Variants in SOX13 observed in about 807,000 individuals in gnomAD.
SOX13 encodes the protein transcription factor SOX-13.
Under a neutral mutation model 71.8 loss-of-function variants are expected in SOX13, and 28 were observed. The ratio of observed to expected loss-of-function variants is 0.39; its 90% CI spans 0.29 to 0.53. SOX13 has a LOEUF of 0.53. Among genes scored for constraint, SOX13 ranks in the 20% least tolerant of loss-of-function variants. The pLI, the probability that SOX13 is intolerant of heterozygous loss-of-function variation, is 0.70. For missense variants in SOX13, 627 were observed against 810.3 expected, an observed-to-expected ratio of 0.77 and a Z score of 2.75; for synonymous variants, 309 against 317.8, an observed-to-expected ratio of 0.97 and a Z score of 0.29.
At chr1:204,084,474 C>T (rs1655975555) in intron 1 of SOX13, among the ~76,000 whole-genome samples, 1 of 152,182 alleles carries the variant, frequency 6.6e-6, no homozygotes, top group South Asian at 2.1e-4. Context: ...TGGCCAGCAG[C>T]CTCCAGGGCT....
chr1:204,092,042 T>C (rs917069038), intron 1 of SOX13, among the ~76,000 whole-genome samples: 8 of 152,052 alleles, frequency 5.3e-5, no homozygotes, highest in East Asian at 3.9e-4. Context: ...TCACTTTTTT[T>C]CTCTCTTCTT....
In SOX13 at chr1:204,113,280, G is replaced by A. The variant is rs548522214; in HGVS notation, c.219+146G>A. ...GGGTAAGACGCCATGTAGGGAAGCA[G>A]GGAGGCACTGCCAAGTTCAGTCTGA... On this transcript the variant is annotated intron_variant, in intron 2 of 13. Coordinates refer to ENST00000367204, the MANE Select transcript of SOX13 (RefSeq NM_005686.3). 122 of 706,452 alleles carry A rather than the reference G, an allele frequency of 1.7e-4. No individual in the cohort carries two copies. In the African/African-American group the frequency reaches 1.8e-3, roughly 11 times the overall value. The allele number at this position is 706,452 out of a possible 1,614,324, so 43.8% of individuals were successfully genotyped here.
intron 8 of SOX13, 109 bp downstream of exon 8, chr1:204,122,094 TC>T: frequency 9.6e-7 from 1 of 1,046,148 alleles, no homozygotes. Context: ...CATCCTGTGT[TC>T]TTGTTCACCC....
intron 1 of SOX13, among the ~76,000 whole-genome samples, chr1:204,106,115 C>T (rs139275079): frequency 9.3e-4 from 141 of 152,274 alleles, no homozygotes; most frequent in Middle Eastern, 3.4e-3. Flanking sequence ...TAAAGGGAGA[C>T]TTAAGGGAGG....
At chr1:204,121,026 T>G (rs1324761840) in intron 7 of SOX13, among the ~76,000 whole-genome samples, 1 of 151,028 alleles carries the variant, frequency 6.6e-6, no homozygotes, top group Non-Finnish European at 1.5e-5. Context: ...GTCCCCCAGG[T>G]TGGAGTGCAG....
intron 1 of SOX13, among the ~76,000 whole-genome samples, chr1:204,092,275 C>T (rs755955587): frequency 7.2e-5 from 11 of 152,100 alleles, no homozygotes; most frequent in Admixed American, 4.6e-4. Context: ...TCCTGAAGCA[C>T]GCTGGATTAT....
chr1:204,080,673 C>T (rs1655883891), intron 1 of SOX13, among the ~76,000 whole-genome samples: 1 of 152,174 alleles, frequency 6.6e-6, no homozygotes, highest in African/African-American at 2.4e-5. Flanking sequence ...GGTGAGGAAC[C>T]TGGAGGCAGG....
intron 1 of SOX13, among the ~76,000 whole-genome samples, chr1:204,092,616 G>A (rs7528560): frequency 0.1 from 15,486 of 152,232 alleles, 870 homozygotes; most frequent in Non-Finnish European, 0.13. Flanking sequence ...AGTATAGAAG[G>A]CTTTGGTAAG....
At chr1:204,112,600 G>T (rs1313679205) in intron 1 of SOX13, among the ~76,000 whole-genome samples, 1 of 152,030 alleles carries the variant, frequency 6.6e-6, no homozygotes, top group Admixed American at 6.5e-5. Flanking sequence ...GGCCTCGTTA[G>T]TTGGGCCGTC....
intron 1 of SOX13, among the ~76,000 whole-genome samples, chr1:204,087,255 A>G (rs746939467): frequency 1.3e-5 from 2 of 152,198 alleles, no homozygotes; most frequent in Non-Finnish European, 2.9e-5. Context: ...TGCAGAGGCA[A>G]AAGGGCCAGG....
chr1:204,104,762 C>T (rs1256271591), intron 1 of SOX13, among the ~76,000 whole-genome samples: 1 of 152,238 alleles, frequency 6.6e-6, no homozygotes, highest in Non-Finnish European at 1.5e-5. Context: ...TTCAGGCTTC[C>T]TGTACCCCAG....
intron 7 of SOX13, among the ~76,000 whole-genome samples, chr1:204,120,344 C>T (rs1571593172): frequency 2.6e-5 from 4 of 152,320 alleles, no homozygotes; most frequent in Admixed American, 6.5e-5. Flanking sequence ...GGATAGGACC[C>T]CCAACTGCTT....
At chr1:204,117,031 C>A in intron 5 of SOX13, 91 bp from the exon 6 acceptor site, 1 of 1,298,550 alleles carries the variant, frequency 7.7e-7, no homozygotes, top group Non-Finnish European at 1.1e-6. Context: ...GCTTGCCCCA[C>A]TGTAGAAAGC....
At chr1:204,109,709 T>C (rs1656539305) in intron 1 of SOX13, among the ~76,000 whole-genome samples, 1 of 152,198 alleles carries the variant, frequency 6.6e-6, no homozygotes, top group Non-Finnish European at 1.5e-5. Flanking sequence ...TTCCAGGACC[T>C]CCAAAGATAC....
rs1267280306 is a variant in SOX13 at position 204,123,439 on chromosome 1, A to AT, written c.1232-218dup. On this transcript the variant is annotated intron_variant, in intron 11 of 13. Coordinates refer to ENST00000367204, the MANE Select transcript of SOX13 (RefSeq NM_005686.3). The surrounding 1 kb of genome is among the most constrained non-coding windows in gnomAD (Gnocchi z 5.0). ...TCTCTCTTGAGGCCATACCGCTGTG[A>AT]TTTTCTTGTGTGTCTGTCTCTGGTT... is the stretch of plus-strand genomic sequence containing the variant. Among the ~76,000 whole-genome samples the AT allele has an allele frequency of 6.6e-6, 1 of 151,856 alleles. No homozygotes were observed. Among genetic ancestry groups the AT allele is most frequent in the Non-Finnish European group, 1.5e-5 (1 of 67,970 alleles).
chr1:204,088,772 C>T (rs546983136), intron 1 of SOX13, among the ~76,000 whole-genome samples: 1 of 152,150 alleles, frequency 6.6e-6, no homozygotes, highest in Non-Finnish European at 1.5e-5. Flanking sequence ...CCCACCCCAG[C>T]GGCCACCACC....
chr1:204,081,769 G>A lies in SOX13; in HGVS notation c.-2+8058G>A, dbSNP rs956641737. Reference sequence around the variant, plus strand: ...GGTATGAGGTCCCCCACCCTCATGCGAACAACCTCTCCCCACCCTCCAGCC... The same window carrying A: ...GGTATGAGGTCCCCCACCCTCATGCAAACAACCTCTCCCCACCCTCCAGCC... On this transcript the variant is annotated intron_variant, in intron 1 of 13. Coordinates refer to ENST00000367204, the MANE Select transcript of SOX13 (RefSeq NM_005686.3). This position sits in a 1 kb window ranked among gnomAD's most constrained non-coding sequence, Gnocchi z 4.3. Among the ~76,000 whole-genome samples the A allele has an allele frequency of 2.6e-5, 4 of 152,110 alleles. No individual in the cohort carries two copies. Among genetic ancestry groups the A allele is most frequent in the Non-Finnish European group, 5.9e-5 (4 of 67,974 alleles).
chr1:204,116,538 C>A lies in SOX13; in HGVS notation c.450C>A (p.Leu150=). Residue 150 remains leucine, a synonymous_variant, in exon 5 of 14, where the codon CTC becomes CTA. Transcript: ENST00000367204. ...AAGAGAGCCTAGCAGAGAAGGAGCT[C>A]CAGCTTCTGGTCATGATTCACCAGC... The part of the protein sequence containing the change: ...GTQESLAEKE[L]QLLVMIHQLS... 1 of 1,614,002 alleles carries A rather than the reference C, an allele frequency of 6.2e-7. No homozygotes were observed. The highest frequency in any genetic ancestry group is 8.5e-7 in the Non-Finnish European group (1 of 1,179,890).
At chr1:204,121,801 C>T (rs567375123) in intron 7 of SOX13, 99 bp from the exon 8 acceptor site, 19 of 840,038 alleles carry the variant, frequency 2.3e-5, no homozygotes, top group Non-Finnish European at 3.2e-5. Context: ...GGTCCAGTGC[C>T]GAGCCATTGC....
Sources: gnomAD v4.1 joint callset for allele counts (sites outside exome capture counted in the v4.1 genomes callset) on GRCh38, gnomAD v4.1.1 for gene constraint, Gnocchi (gnomAD v3.1) non-coding constraint, MANE v1.5 for transcripts, NCBI Gene and HGNC (gene_info 2026-07-23, HGNC 2026-07-21) for gene names.